Variants in SP100 observed in about 807,000 individuals in gnomAD.
SP100 encodes SP100 nuclear body protein, also known as nuclear autoantigen Sp-100.
Under a neutral mutation model 130.0 loss-of-function variants are expected in SP100, and 84 were observed. The observed-to-expected ratio is 0.65, with a 90% CI of 0.54 to 0.77. The LOEUF (loss-of-function observed/expected upper bound fraction) is 0.77. SP100 is among the 30% of genes least tolerant of loss of function. The pLI is 0.00. For synonymous variants in SP100, 331 were observed against 351.7 expected (o/e 0.94, Z 0.66); for missense variants, 978 against 1,052.2 (o/e 0.93, Z 0.97).
At position 230,461,288 on chromosome 2, in the gene SP100, G is replaced by A. The variant is rs1199521974; in HGVS notation, c.847G>A (p.Gly283Arg). The change falls in exon 9 of 29, where the codon GGA becomes AGA. Residue 283 changes from glycine (G) to arginine (R), a missense_variant. Coordinates refer to ENST00000340126, the MANE Select transcript of SP100 (RefSeq NM_001080391.2). ...ESPEAELHNHGIQINSCSVRL... is the reference protein window; with the variant it reads ...ESPEAELHNHRIQINSCSVRL... Reference sequence around the variant, plus strand: ...CCCAGAGGCAGAGCTACACAACCATGGAATCCAAATTAATTCCTGTTCTGT... The same window carrying A: ...CCCAGAGGCAGAGCTACACAACCATAGAATCCAAATTAATTCCTGTTCTGT... 1 of 1,614,044 alleles carries A rather than the reference G, an allele frequency of 6.2e-7. No individual in the cohort carries two copies. Among genetic ancestry groups the A allele is most frequent in the Admixed American group, 1.7e-5 (1 of 60,006 alleles).
intron 8 of SP100, among the ~76,000 whole-genome samples, chr2:230,450,841 G>C (rs2063943034): frequency 6.6e-6 from 1 of 152,194 alleles, no homozygotes; most frequent in African/African-American, 2.4e-5. Context: ...TCAGTGTGTA[G>C]ATGTATTTCA....
intron 14 of SP100, 93 bp from the exon 15 acceptor site, chr2:230,469,922 A>G: frequency 1.3e-6 from 2 of 1,516,702 alleles, no homozygotes; most frequent in African/African-American, 2.8e-5. Flanking sequence ...CTCCTCCACA[A>G]GCTTCTCTTG....
At chr2:230,487,489 C>A (rs13076229) in intron 17 of SP100, among the ~76,000 whole-genome samples, 5 of 152,064 alleles carry the variant, frequency 3.3e-5, no homozygotes, top group African/African-American at 4.8e-5. Flanking sequence ...TGCAGATATG[C>A]GGTGTTATTT....
At chr2:230,474,299 TAA>T in intron 16 of SP100, 93 bp from the exon 17 acceptor site, 1 of 706,418 alleles carries the variant, frequency 1.4e-6, no homozygotes, top group Non-Finnish European at 2.5e-6. Context: ...AATATTGTTA[TAA>T]ACGCAAGCCT....
At chr2:230,507,196 T>C (rs1396996733) in intron 22 of SP100, 8 of 152,244 alleles carry the variant, frequency 5.3e-5, no homozygotes, top group African/African-American at 1.4e-4. Context: ...TAGTGTACTA[T>C]GCCAATGAGA....
At chr2:230,519,132 G>A (rs1183961830) in intron 24 of SP100, among the ~76,000 whole-genome samples, 1 of 152,208 alleles carries the variant, frequency 6.6e-6, no homozygotes, top group Non-Finnish European at 1.5e-5. Flanking sequence ...AAAGCACAGA[G>A]AAAGAATTTA....
chr2:230,439,680 G>A (rs900879867), intron 2 of SP100, among the ~76,000 whole-genome samples: 3 of 152,026 alleles, frequency 2.0e-5, no homozygotes, highest in African/African-American at 7.2e-5. Flanking sequence ...GTGTATAGCA[G>A]TGCTACTTAT....
chr2:230,484,256 G>T (rs1173075514), intron 17 of SP100, among the ~76,000 whole-genome samples: 1 of 152,220 alleles, frequency 6.6e-6, no homozygotes, highest in Non-Finnish European at 1.5e-5. Context: ...AGCATGCATA[G>T]GTGACTCAAA....
chr2:230,515,303 C>A, intron 24 of SP100: 1 of 1,612,314 alleles, frequency 6.2e-7, no homozygotes, highest in South Asian at 1.1e-5. Flanking sequence ...GATCCCAATG[C>A]ACCCAAGAGG....
At chr2:230,476,606 T>TA in intron 17 of SP100, among the ~76,000 whole-genome samples, 1 of 152,346 alleles carries the variant, frequency 6.6e-6, no homozygotes, top group Non-Finnish European at 1.5e-5. Context: ...ATGCATGTAT[T>TA]AACACGTTTT....
Position 230,524,071 on chromosome 2 carries a change from C to T in SP100, c.2094+12905C>T, listed in dbSNP as rs573654806. Among the ~76,000 whole-genome samples, 8 of 150,508 alleles carry T rather than the reference C, an allele frequency of 5.3e-5. No individual in the cohort carries two copies. The East Asian group carries it at 5.8e-4, about 11-fold the overall frequency. On this transcript the variant is annotated intron_variant, in intron 24 of 28. Coordinates refer to ENST00000340126, the MANE Select transcript of SP100 (RefSeq NM_001080391.2). ...TAAACCAGCTGGGTGTGGTTGCTCACGCCTGTAATCCCAGCACTTTGAGAG... is the reference window on the plus strand; with the variant it reads ...TAAACCAGCTGGGTGTGGTTGCTCATGCCTGTAATCCCAGCACTTTGAGAG...
At chr2:230,540,109 C>T (rs1210969395) in intron 25 of SP100, among the ~76,000 whole-genome samples, 2 of 152,182 alleles carry the variant, frequency 1.3e-5, no homozygotes, top group African/African-American at 4.8e-5. Flanking sequence ...TCTGCAGAGG[C>T]AGAAGAAAAA....
intron 1 of SP100, among the ~76,000 whole-genome samples, chr2:230,417,098 A>G (rs1451808263): frequency 6.6e-6 from 1 of 152,254 alleles, no homozygotes; most frequent in Non-Finnish European, 1.5e-5. Context: ...TTAAGGAAAA[A>G]GTCATCTTTG....
chr2:230,494,301 C>G lies in SP100; in HGVS notation c.1601-115C>G. 6 of 795,270 alleles carry G rather than the reference C, an allele frequency of 7.5e-6. 1 individual carries two copies. The South Asian group carries it at 9.1e-5, about 12-fold the overall frequency. 49.3% of individuals were successfully genotyped at this position (795,270 alleles called of 1,614,324 possible). ...GGGATGTTGGTGGCCGAGGACTTAGCCCCGCAAAAGTAGAAGGAAAACAAA... is the reference window on the plus strand; with the variant it reads ...GGGATGTTGGTGGCCGAGGACTTAGGCCCGCAAAAGTAGAAGGAAAACAAA... On this transcript the variant is annotated intron_variant, in intron 17 of 28. Coordinates refer to ENST00000340126, the MANE Select transcript of SP100 (RefSeq NM_001080391.2).
intron 6 of SP100, 93 bp downstream of exon 6, chr2:230,449,243 C>A: frequency 1.6e-6 from 2 of 1,271,204 alleles, no homozygotes; most frequent in Non-Finnish European, 2.3e-6. Context: ...AATGATTGTC[C>A]AGAATTTTCA....
chr2:230,439,600 TTTTA>T (rs536010066), intron 2 of SP100, among the ~76,000 whole-genome samples: 245 of 152,130 alleles, frequency 1.6e-3, no homozygotes, highest in African/African-American at 5.4e-3. Context: ...TTGGTTTATT[TTTTA>T]TTTATTTATT....
intron 24 of SP100, among the ~76,000 whole-genome samples, chr2:230,536,296 A>G (rs1214322595): frequency 6.6e-6 from 1 of 152,234 alleles, no homozygotes; most frequent in Non-Finnish European, 1.5e-5. Context: ...TGAAACAGCC[A>G]GAAAGATTGA....
chr2:230,471,637 C>T (rs1311492226), intron 15 of SP100, among the ~76,000 whole-genome samples: 1 of 152,086 alleles, frequency 6.6e-6, no homozygotes, highest in Non-Finnish European at 1.5e-5. Flanking sequence ...TGCACACACA[C>T]ATACACACCA....
Position 230,442,986 on chromosome 2 carries a change from G to A in SP100, c.157G>A (p.Val53Ile). The A allele has an allele frequency of 1.9e-6, 3 of 1,613,206 alleles. No homozygotes were observed. Among genetic ancestry groups the A allele is most frequent in the Non-Finnish European group, 2.5e-6 (3 of 1,179,604 alleles). The change falls in exon 3 of 29, where the codon GTA becomes ATA. Residue 53 changes from valine (V) to isoleucine (I), a missense_variant. Coordinates refer to ENST00000340126, the MANE Select transcript of SP100 (RefSeq NM_001080391.2). ...GVDDRLLYDI[V>I]FKHFKRNKVE... ...AGATGACAGGCTGCTCTATGACATT[G>A]TATTCAAGCACTTCAAAAGAAATAA...
Sources: allele counts gnomAD v4.1 joint callset (sites outside exome capture counted in the v4.1 genomes callset), GRCh38; gene constraint gnomAD v4.1.1; transcripts MANE v1.5; gene names NCBI Gene and HGNC (gene_info 2026-07-23, HGNC 2026-07-21).